The following ZFHX3 variants were observed in gnomAD, a reference collection of about 807,000 sequenced individuals.
ZFHX3 encodes the protein zinc finger homeobox 3.
ZFHX3 carries 42 observed loss-of-function variants against 279.1 expected under a neutral mutation model. That is an observed-to-expected ratio of 0.15 (90% CI 0.12 to 0.19). ZFHX3 has a LOEUF of 0.19. Among genes scored for constraint, ZFHX3 ranks in the 10% least tolerant of loss-of-function variants. The pLI is 1.00. For missense variants in ZFHX3, 4,981 were observed against 4,754.0 expected, an observed-to-expected ratio of 1.05 and a Z score of -1.40; for synonymous variants, 2,293 against 1,957.8, an observed-to-expected ratio of 1.17 and a Z score of -4.52.
chr16:73,483,793 G>A (rs1285491483), intron 2 of ZFHX3, among the ~76,000 whole-genome samples: 1 of 152,134 alleles, frequency 6.6e-6, no homozygotes, highest in Non-Finnish European at 1.5e-5. Flanking sequence ...GTAATTGGGA[G>A]GTGCTGTTCC....
chr16:73,509,456 C>T (rs1462137925), intron 2 of ZFHX3, among the ~76,000 whole-genome samples: 1 of 150,726 alleles, frequency 6.6e-6, no homozygotes, highest in East Asian at 1.9e-4. Flanking sequence ...GCTCTGACTA[C>T]ATCTCCCACT....
chr16:73,775,262 T>G (rs1959220405), intron 1 of ZFHX3, among the ~76,000 whole-genome samples: 1 of 152,158 alleles, frequency 6.6e-6, no homozygotes, highest in East Asian at 1.9e-4. Context: ...GGTCTCCGCT[T>G]TTCCTTCTTC....
intron 1 of ZFHX3, chr16:73,015,871 C>T (rs1283954103): frequency 6.6e-6 from 1 of 152,214 alleles, no homozygotes; most frequent in Non-Finnish European, 1.5e-5. Flanking sequence ...TGCCGGCTGC[C>T]CCAATTGCAC....
intron 1 of ZFHX3, among the ~76,000 whole-genome samples, chr16:73,746,660 C>A (rs2053706252): frequency 6.6e-6 from 1 of 152,128 alleles, no homozygotes; most frequent in Admixed American, 6.5e-5. Flanking sequence ...GAGCTGACAG[C>A]CATTTAGATA....
chr16:72,856,599 C>T (rs993458215), intron 4 of ZFHX3, among the ~76,000 whole-genome samples: 16 of 152,254 alleles, frequency 1.1e-4, no homozygotes, highest in Middle Eastern at 3.4e-3. Flanking sequence ...GACAGAGGTA[C>T]GTGTAGGTCC....
intron 1 of ZFHX3, among the ~76,000 whole-genome samples, chr16:73,862,513 G>T (rs1172103705): frequency 6.6e-6 from 1 of 152,182 alleles, no homozygotes; most frequent in Non-Finnish European, 1.5e-5. Flanking sequence ...TGTGACTCAC[G>T]TCTATAATCC....
intron 5 of ZFHX3, among the ~76,000 whole-genome samples, chr16:73,178,814 T>C (rs1038678296): frequency 2.0e-5 from 3 of 152,168 alleles, no homozygotes; most frequent in African/African-American, 7.2e-5. Flanking sequence ...ATGTGTTGAC[T>C]AGTGAGTCAG....
At chr16:72,829,608 G>T (rs1322843796) in intron 5 of ZFHX3, 171 bp downstream of exon 5, 1 of 645,314 alleles carries the variant, frequency 1.5e-6, no homozygotes, top group Non-Finnish European at 2.7e-6. Flanking sequence ...GAATAAAGGT[G>T]ACTGCTCAAA....
At chr16:73,304,211 T>C (rs973417712) in intron 4 of ZFHX3, among the ~76,000 whole-genome samples, 1 of 152,102 alleles carries the variant, frequency 6.6e-6, no homozygotes, top group Non-Finnish European at 1.5e-5. Flanking sequence ...CAAGGCTGGT[T>C]AGCCAGCAGC....
chr16:73,548,307 G>T (rs893838891), intron 2 of ZFHX3, among the ~76,000 whole-genome samples: 1 of 152,172 alleles, frequency 6.6e-6, no homozygotes, highest in African/African-American at 2.4e-5. Flanking sequence ...ACGAGCATTG[G>T]ACCTAATAAA....
At position 73,410,168 on chromosome 16, in the gene ZFHX3, C is replaced by A. The variant is rs560904522; in HGVS notation, c.-1291+45835G>T. 2.7e-4 allele frequency among the ~76,000 whole-genome samples: 41 copies of A among 152,274 alleles called. No homozygotes were observed. The South Asian group carries it at 8.1e-3, about 30-fold the overall frequency. On this transcript the variant is annotated intron_variant, in intron 3 of 17. Transcript: ENST00000641206. ...TGGTGGCTCACACCTGTAATCCCAG[C>A]ACTTTGGGAGGCCCAGGTGGGTGGA... is the stretch of plus-strand genomic sequence containing the variant.
At chr16:73,682,924 G>GAAAGAAAA (rs766109523) in intron 1 of ZFHX3, among the ~76,000 whole-genome samples, 4 of 43,474 alleles carry the variant, frequency 9.2e-5, no homozygotes, top group African/African-American at 3.0e-4. Flanking sequence ...AAGAGAGAAA[G>GAAAGAAAA]AGAAAGAAAG....
At position 72,981,178 on chromosome 16, in the gene ZFHX3, C is replaced by T. The variant is rs185194988; in HGVS notation, c.-49-20984G>A. On this transcript the variant is annotated intron_variant, in intron 1 of 9. Transcript: ENST00000268489. ...AAACACCACCATCTACTGACCCCCACTCTTACTCCTTCTCTTAGAAGGTAC... is the reference window on the plus strand; with the variant it reads ...AAACACCACCATCTACTGACCCCCATTCTTACTCCTTCTCTTAGAAGGTAC... 3.9e-5 allele frequency among the ~76,000 whole-genome samples: 6 copies of T among 152,306 alleles called. No homozygotes were observed. The East Asian group carries it at 1.2e-3, about 29-fold the overall frequency.
chr16:73,312,486 G>C (rs568979549), intron 4 of ZFHX3, among the ~76,000 whole-genome samples: 1 of 152,166 alleles, frequency 6.6e-6, no homozygotes, highest in Non-Finnish European at 1.5e-5. Context: ...TAATGATAGT[G>C]TGTCAAGGTT....
intron 3 of ZFHX3, among the ~76,000 whole-genome samples, chr16:72,922,665 C>T (rs905771333): frequency 4.6e-5 from 7 of 152,178 alleles, no homozygotes; most frequent in Admixed American, 6.5e-5. Context: ...GCGCTCTCTT[C>T]GTACCTGGCT....
At chr16:73,274,379 A>G (rs1449705888) in intron 4 of ZFHX3, among the ~76,000 whole-genome samples, 3 of 152,196 alleles carry the variant, frequency 2.0e-5, no homozygotes, top group East Asian at 1.9e-4. Context: ...CAAACTTACT[A>G]ATCTTTTCCT....
At chr16:73,248,541 A>C (rs543446635) in intron 5 of ZFHX3, among the ~76,000 whole-genome samples, 3 of 150,258 alleles carry the variant, frequency 2.0e-5, no homozygotes, top group Non-Finnish European at 4.4e-5. Flanking sequence ...CTGTGTGTAC[A>C]TGTGTGTGTG....
At chr16:73,678,647 G>A (rs2052978366) in intron 2 of ZFHX3, among the ~76,000 whole-genome samples, 1 of 152,098 alleles carries the variant, frequency 6.6e-6, no homozygotes, top group Admixed American at 6.5e-5. Flanking sequence ...AATGGCAAGT[G>A]TCTGGATATG....
chr16:73,801,124 C>T (rs1264636383), intron 1 of ZFHX3, among the ~76,000 whole-genome samples: 1 of 152,132 alleles, frequency 6.6e-6, no homozygotes, highest in African/African-American at 2.4e-5. Context: ...TCTATTTGTA[C>T]TTATATTCAA....
Sources: allele counts gnomAD v4.1 joint callset (sites outside exome capture counted in the v4.1 genomes callset), GRCh38; gene constraint gnomAD v4.1.1; transcripts MANE v1.5; gene names NCBI Gene and HGNC (gene_info 2026-07-23, HGNC 2026-07-21).